Variants in ARHGEF4 observed in about 807,000 individuals in gnomAD.
The protein encoded by ARHGEF4 is Rho guanine nucleotide exchange factor 4.
A neutral mutation model predicts 162.0 loss-of-function variants in ARHGEF4; 119 were observed. That is an observed-to-expected ratio of 0.73 (90% CI 0.63 to 0.86). The LOEUF is 0.86. Among genes scored for constraint, ARHGEF4 ranks in the 40% least tolerant of loss-of-function variants. The pLI is 0.00. For missense variants in ARHGEF4, 2,488 were observed against 2,456.0 expected, an observed-to-expected ratio of 1.01 and a Z score of -0.28; for synonymous variants, 1,014 against 979.9, an observed-to-expected ratio of 1.03 and a Z score of -0.65.
intron 1 of ARHGEF4, among the ~76,000 whole-genome samples, chr2:130,884,320 C>A (rs545804078): frequency 2.0e-4 from 31 of 151,632 alleles, no homozygotes; most frequent in East Asian, 7.7e-4. Flanking sequence ...ACACACACAC[C>A]CACACTATAG....
chr2:130,883,783 T>C (rs1170314395), intron 1 of ARHGEF4, among the ~76,000 whole-genome samples: 1 of 152,106 alleles, frequency 6.6e-6, no homozygotes, highest in East Asian at 1.9e-4. Flanking sequence ...AGGAAACCAG[T>C]GTCCTGCCTC....
chr2:130,885,027 T>C (rs150163140), intron 1 of ARHGEF4, among the ~76,000 whole-genome samples: 50 of 152,284 alleles, frequency 3.3e-4, no homozygotes, highest in South Asian at 4.1e-4. Context: ...CATTCAAGTT[T>C]ATGATGCCAT....
At chr2:131,004,543 G>T (rs1687989760) in intron 4 of ARHGEF4, among the ~76,000 whole-genome samples, 1 of 152,108 alleles carries the variant, frequency 6.6e-6, no homozygotes. Context: ...ACAGCCACTG[G>T]GAGGTGAATG....
In ARHGEF4 at chr2:130,914,735, C is replaced by T; in HGVS notation, c.789C>T (p.Ala263=). The change falls in exon 2 of 14, where the codon GCC becomes GCT. Residue 263 remains alanine (A), a synonymous_variant. Coordinates refer to ENST00000409359, the MANE Select transcript of ARHGEF4 (RefSeq NM_001367493.1). ...GCAGAGGCCCACTGGACAACACAGC[C>T]CCTCTGGGGACCAGGACAAAGAAGG... ...LPSRGPLDNT[A]PLGTRTKKES... 1 of 1,421,014 alleles carries T rather than the reference C, an allele frequency of 7.0e-7. No homozygotes were observed. The allele number at this position is 1,421,014 out of a possible 1,614,324, so 88.0% of individuals were successfully genotyped here.
At chr2:130,910,095 A>G (rs1681081326) in intron 1 of ARHGEF4, among the ~76,000 whole-genome samples, 1 of 152,084 alleles carries the variant, frequency 6.6e-6, no homozygotes, top group Admixed American at 6.6e-5. Flanking sequence ...TAGGAGAAAT[A>G]CCTAATGTAG....
rs941988299 is a variant in ARHGEF4, at chr2:130,866,669, A to G, written c.39+29677A>G. ...GATTTCTCTTTTCTAGCCTGTTGATATGATGGATTATGTTAATTGATTTTT... is the reference window on the plus strand; with the variant it reads ...GATTTCTCTTTTCTAGCCTGTTGATGTGATGGATTATGTTAATTGATTTTT... On this transcript the variant is annotated intron_variant, in intron 1 of 13. Transcript: ENST00000409359. Among the ~76,000 whole-genome samples, 5 of 152,178 alleles carry G rather than the reference A, an allele frequency of 3.3e-5. No homozygotes were observed. The East Asian group carries it at 9.6e-4, about 29-fold the overall frequency.
intron 5 of ARHGEF4, among the ~76,000 whole-genome samples, chr2:131,028,584 G>A (rs1689632624): frequency 6.6e-6 from 1 of 152,234 alleles, no homozygotes; most frequent in Non-Finnish European, 1.5e-5. Context: ...TCCTACTGAA[G>A]CAGAAGAAAT....
intron 1 of ARHGEF4, among the ~76,000 whole-genome samples, chr2:130,851,711 C>T (rs1213183346): frequency 6.6e-6 from 1 of 152,234 alleles, no homozygotes; most frequent in African/African-American, 2.4e-5. Context: ...CTGCTGCTGT[C>T]CTCAGCTCAT....
rs140539253 is a variant in ARHGEF4 at position 130,874,073 on chromosome 2, T to C, written c.39+37081T>C. Among the ~76,000 whole-genome samples the C allele has an allele frequency of 2.0e-5, 3 of 149,750 alleles. No homozygotes were observed. In the East Asian group the frequency reaches 5.8e-4, roughly 29 times the overall value. On this transcript the variant is annotated intron_variant, in intron 1 of 13. Coordinates refer to ENST00000409359, the MANE Select transcript of ARHGEF4 (RefSeq NM_001367493.1). ...TCAACCCTGGTTTTTCTTTCACTAA[T>C]TAAAAGAAGTAGCTTTTAACTCTCC...
chr2:131,043,620 G>C (rs1237954008), intron 11 of ARHGEF4, 37 bp downstream of exon 11: 2 of 1,612,698 alleles, frequency 1.2e-6, no homozygotes, highest in Non-Finnish European at 1.7e-6. Flanking sequence ...CCCAAGTTGA[G>C]CAAGTGGAGG....
chr2:130,986,220 G>A (rs568844612), intron 4 of ARHGEF4, among the ~76,000 whole-genome samples: 12 of 152,164 alleles, frequency 7.9e-5, no homozygotes, highest in African/African-American at 2.2e-4. Context: ...TGTGTGCATC[G>A]TGTGTGGTTT....
intron 1 of ARHGEF4, among the ~76,000 whole-genome samples, chr2:130,865,833 G>A (rs974825590): frequency 2.4e-4 from 37 of 152,100 alleles, no homozygotes; most frequent in African/African-American, 8.2e-4. Context: ...GATCAAGTCC[G>A]TCAGTCCTTT....
At chr2:130,929,468 G>A (rs578131685) in intron 2 of ARHGEF4, among the ~76,000 whole-genome samples, 2 of 151,998 alleles carry the variant, frequency 1.3e-5, no homozygotes, top group Admixed American at 6.6e-5. Flanking sequence ...TCCTAATCTT[G>A]TAGAAAATTC....
Position 131,028,007 on chromosome 2 carries a change from C to A in ARHGEF4, c.4048C>A (p.Leu1350Met). ...CADEVGSEED[L>M]YDDLHSSSHH... ...TGACGAAGTGGGGAGCGAGGAGGAC[C>A]TGTATGATGACCTGCACAGCTCCAG... is the stretch of plus-strand genomic sequence containing the variant. Residue 1350 changes from leucine to methionine, a missense_variant, in exon 5 of 14, where the codon CTG becomes ATG. Leu to Met is a conservative substitution (Grantham distance 15). This residue lies in a region of ARHGEF4 where 1,642 missense variants were observed against 1,481.5 expected (regional missense o/e 1.11). Transcript: ENST00000409359. The A allele has an allele frequency of 6.2e-7, 1 of 1,614,108 alleles. No homozygotes were observed. The highest frequency in any genetic ancestry group is 8.5e-7 in the Non-Finnish European group (1 of 1,180,032).
intron 4 of ARHGEF4, among the ~76,000 whole-genome samples, chr2:130,985,448 T>C (rs1251786704): frequency 6.6e-6 from 1 of 151,816 alleles, no homozygotes; most frequent in Non-Finnish European, 1.5e-5. Flanking sequence ...GCCGAGGAAA[T>C]GGGAGCTCAG....
chr2:130,917,398 C>T lies in ARHGEF4; in HGVS notation c.3452C>T (p.Thr1151Met), dbSNP rs1242449751. The T allele has an allele frequency of 6.4e-7, 1 of 1,550,624 alleles. No individual in the cohort carries two copies. ...ACCAGTTTCCTGCTTTCTCTGCAGA[C>T]GCTAAACCAAGATGAGCAGAAGGAA... is the stretch of plus-strand genomic sequence containing the variant. ...GQTSFLLSLQ[T>M]LNQDEQKEES... The change falls in exon 2 of 14, where the codon ACG becomes ATG. Residue 1151 changes from threonine to methionine, a missense_variant. Coordinates refer to ENST00000409359, the MANE Select transcript of ARHGEF4 (RefSeq NM_001367493.1).
chr2:130,954,261 G>A (rs1684132776), intron 4 of ARHGEF4, among the ~76,000 whole-genome samples: 1 of 152,192 alleles, frequency 6.6e-6, no homozygotes, highest in East Asian at 1.9e-4. Context: ...CAGGGTCATG[G>A]ATGAAGCTGG....
chr2:130,916,280 A>T lies in ARHGEF4; in HGVS notation c.2334A>T (p.Pro778=), dbSNP rs1574222594. The change falls in exon 2 of 14, where the codon CCA becomes CCT. Residue 778 remains proline, a synonymous_variant. Coordinates refer to ENST00000409359, the MANE Select transcript of ARHGEF4 (RefSeq NM_001367493.1). ...RVPALEPPQP[P]RGLRKGAQEP... ...CCGCCTTGGAGCCGCCCCAGCCGCCACGCGGGCTCCGCAAGGGCGCGCAGG... is the reference window on the plus strand; with the variant it reads ...CCGCCTTGGAGCCGCCCCAGCCGCCTCGCGGGCTCCGCAAGGGCGCGCAGG... 1.3e-6 allele frequency: 2 copies of T among 1,528,288 alleles called. No homozygotes were observed. The highest frequency in any genetic ancestry group is 2.5e-5 in the East Asian group (1 of 39,464). The allele number at this position is 1,528,288 out of a possible 1,614,324, so 94.7% of individuals were successfully genotyped here.
chr2:130,842,007 G>C (rs940552300), intron 1 of ARHGEF4, among the ~76,000 whole-genome samples: 1 of 152,164 alleles, frequency 6.6e-6, no homozygotes, highest in Non-Finnish European at 1.5e-5. Context: ...CATTCTCCCT[G>C]GTTTTTGCTG....
Sources: gnomAD v4.1 joint callset for allele counts (sites outside exome capture counted in the v4.1 genomes callset) on GRCh38, gnomAD v4.1.1 for gene constraint, gnomAD v4.1.1 regional missense constraint, MANE v1.5 for transcripts, NCBI Gene and HGNC (gene_info 2026-07-23, HGNC 2026-07-21) for gene names.